EPN2: variants seen among roughly 807,000 people sequenced by gnomAD.
EPN2 encodes epsin 2.
Under a neutral mutation model 61.7 loss-of-function variants are expected in EPN2, and 34 were observed. The ratio of observed to expected loss-of-function variants is 0.55; its 90% CI spans 0.42 to 0.73. The LOEUF is 0.73. Ranked by LOEUF, EPN2 falls within the 30% of genes least tolerant of loss-of-function variation. The pLI is 0.00. For synonymous variants in EPN2, 349 were observed against 353.6 expected (o/e 0.99, Z 0.15); for missense variants, 714 against 839.2 (o/e 0.85, Z 1.84).
In EPN2 at chr17:19,328,790, C is replaced by A; in HGVS notation, c.1227C>A (p.Asp409Glu). The change falls in exon 8 of 11, where the codon GAC becomes GAA. Residue 409 changes from aspartate to glutamate, a missense_variant. By Grantham distance (45) the Asp-to-Glu change is conservative. Transcript: ENST00000314728. ...ATVQSVPKNS[D>E]PWAASQQPAS... Reference sequence around the variant, plus strand: ...TACAATCTGTCCCCAAGAACTCGGACCCCTGGGCAGCTTCACAGCAGCCTG... The same window carrying A: ...TACAATCTGTCCCCAAGAACTCGGAACCCTGGGCAGCTTCACAGCAGCCTG... The A allele has an allele frequency of 6.2e-7, 1 of 1,613,666 alleles. No individual in the cohort carries two copies. Among genetic ancestry groups the A allele is most frequent in the Non-Finnish European group, 8.5e-7 (1 of 1,179,662 alleles).
rs2045372912 is a variant in EPN2 at position 19,283,055 on chromosome 17, A to G, written c.-65A>G. Reference sequence around the variant, plus strand: ...GAGACTGAACCTTCATAGGGTGCGCACTTACCAAGGACAGGAAGGTTTCTC... The same window carrying G: ...GAGACTGAACCTTCATAGGGTGCGCGCTTACCAAGGACAGGAAGGTTTCTC... On this transcript the variant is annotated 5_prime_UTR_variant, in exon 3 of 11. Coordinates refer to ENST00000314728, the MANE Select transcript of EPN2 (RefSeq NM_014964.5). This position sits in a 1 kb window ranked among gnomAD's most constrained non-coding sequence, Gnocchi z 7.0. The G allele has an allele frequency of 8.1e-7, 1 of 1,241,702 alleles. No homozygotes were observed. The highest frequency in any genetic ancestry group is 1.1e-6 in the Non-Finnish European group (1 of 879,964). The allele number at this position is 1,241,702 out of a possible 1,614,324, so 76.9% of individuals were successfully genotyped here.
intron 4 of EPN2, among the ~76,000 whole-genome samples, chr17:19,309,376 G>A (rs897057993): frequency 9.9e-5 from 15 of 152,144 alleles, no homozygotes; most frequent in East Asian, 9.6e-4. Context: ...TGATCCGCCC[G>A]CCTCGGCCTC....
chr17:19,282,365 AAC>A (rs2045366683), intron 2 of EPN2: 1 of 152,250 alleles, frequency 6.6e-6, no homozygotes, highest in Non-Finnish European at 1.5e-5. Flanking sequence ...GACATTCGGA[AAC>A]ACAGTGGACC....
chr17:19,285,852 T>C lies in EPN2; in HGVS notation c.766+62T>C. The C allele has an allele frequency of 6.8e-7, 1 of 1,468,532 alleles. No homozygotes were observed. Among genetic ancestry groups the C allele is most frequent in the Non-Finnish European group, 9.1e-7 (1 of 1,100,376 alleles). The allele number at this position is 1,468,532 out of a possible 1,614,324, so 91.0% of individuals were successfully genotyped here. On this transcript the variant is annotated intron_variant, in intron 4 of 10. Transcript: ENST00000314728. The surrounding 1 kb of genome is among the most constrained non-coding windows in gnomAD (Gnocchi z 4.5). The stretch of plus-strand genomic sequence containing the variant: ...GCTGGGCAGCTTGCTGGGGGTGTGC[T>C]TGCCATGCCAGTACAGCCAACTCTC...
chr17:19,335,501 C>G lies in EPN2; in HGVS notation c.*1247C>G, dbSNP rs1907369401. On this transcript the variant is annotated 3_prime_UTR_variant, in exon 11 of 11. Transcript: ENST00000314728. ...TGTCTGTGATCTCCTCTGTCTTAAT[C>G]CACGCTCAGGCTAAAGATGGGGATA... 1.3e-6 allele frequency: 2 copies of G among 1,542,156 alleles called. No individual in the cohort carries two copies. The highest frequency in any genetic ancestry group is 2.4e-5 in the South Asian group (2 of 83,106).
At chr17:19,314,213 G>C (rs1906279641) in intron 7 of EPN2, among the ~76,000 whole-genome samples, 1 of 152,188 alleles carries the variant, frequency 6.6e-6, no homozygotes, top group Non-Finnish European at 1.5e-5. Context: ...CTCAGGAGCG[G>C]GCAGGGCAGG....
At chr17:19,284,988 C>G (rs975983302) in intron 3 of EPN2, among the ~76,000 whole-genome samples, 1 of 152,330 alleles carries the variant, frequency 6.6e-6, no homozygotes, top group Non-Finnish European at 1.5e-5. Flanking sequence ...TCTCCAGAAG[C>G]CTCAATGCAG....
chr17:19,256,014 T>G (rs1256051319), intron 1 of EPN2, among the ~76,000 whole-genome samples: 1 of 152,072 alleles, frequency 6.6e-6, no homozygotes, highest in Non-Finnish European at 1.5e-5. Context: ...CTCAGCTCAC[T>G]GCAAGCTCTG....
intron 4 of EPN2, among the ~76,000 whole-genome samples, chr17:19,300,763 A>AT (rs1905459886): frequency 6.6e-6 from 1 of 152,156 alleles, no homozygotes; most frequent in Non-Finnish European, 1.5e-5. Flanking sequence ...TGGAACTGGG[A>AT]TTAATCAGAA....
chr17:19,261,547 C>A (rs1217089629), intron 1 of EPN2, among the ~76,000 whole-genome samples: 1 of 152,152 alleles, frequency 6.6e-6, no homozygotes, highest in Admixed American at 6.5e-5. Flanking sequence ...TTAAATAATT[C>A]TATTCCTCCC....
In EPN2 at chr17:19,320,881, T is replaced by A. The variant is rs143286065; in HGVS notation, c.1147+7602T>A. 1.3e-3 allele frequency among the ~76,000 whole-genome samples: 203 copies of A among 152,258 alleles called. 4 individuals are homozygous for A. The South Asian group carries it at 0.019, about 15-fold the overall frequency. On this transcript the variant is annotated intron_variant, in intron 7 of 10. Coordinates refer to ENST00000314728, the MANE Select transcript of EPN2 (RefSeq NM_014964.5). Reference sequence around the variant, plus strand: ...CTGCAAAGTCCCTGCCAGCCTGAGGTCCTGTGGGTCCCTTGATCCTTGTGA... The same window carrying A: ...CTGCAAAGTCCCTGCCAGCCTGAGGACCTGTGGGTCCCTTGATCCTTGTGA...
intron 4 of EPN2, chr17:19,297,058 T>C (rs2045527121): frequency 6.6e-6 from 1 of 152,250 alleles, no homozygotes; most frequent in Non-Finnish European, 1.5e-5. Context: ...ATTTTAACAG[T>C]TGTACATAGT....
intron 4 of EPN2, among the ~76,000 whole-genome samples, chr17:19,301,549 C>T (rs1403216367): frequency 3.9e-5 from 6 of 152,184 alleles, no homozygotes; most frequent in Non-Finnish European, 8.8e-5. Context: ...CCCAAGTTCC[C>T]TAGACCAGTC....
chr17:19,318,549 C>A (rs1172789862), intron 7 of EPN2, among the ~76,000 whole-genome samples: 66 of 24,768 alleles, frequency 2.7e-3, no homozygotes, highest in Admixed American at 6.1e-3. Context: ...GACTCCATCT[C>A]AAAAAAAAAA....
At chr17:19,327,452 G>A (rs1470966104) in intron 7 of EPN2, among the ~76,000 whole-genome samples, 1 of 152,090 alleles carries the variant, frequency 6.6e-6, no homozygotes, top group Non-Finnish European at 1.5e-5. Flanking sequence ...CAGGAGGATT[G>A]CTTGAGCCCA....
At chr17:19,255,902 C>T (rs2045071981) in intron 1 of EPN2, among the ~76,000 whole-genome samples, 1 of 151,980 alleles carries the variant, frequency 6.6e-6, no homozygotes, top group African/African-American at 2.4e-5. Context: ...GTATTACAGA[C>T]ATGAGTCACC....
intron 1 of EPN2, among the ~76,000 whole-genome samples, chr17:19,260,479 G>T (rs1366760970): frequency 3.9e-5 from 6 of 152,160 alleles, no homozygotes; most frequent in African/African-American, 1.4e-4. Context: ...TTGGTAATGG[G>T]CTCTTACACG....
At chr17:19,271,057 T>C (rs1034779822) in intron 1 of EPN2, among the ~76,000 whole-genome samples, 1 of 152,184 alleles carries the variant, frequency 6.6e-6, no homozygotes, top group African/African-American at 2.4e-5. Context: ...AACAGTGTTC[T>C]TATTTTTTGC....
chr17:19,329,644 A>AG lies in EPN2; in HGVS notation c.1408_1409insG (p.Thr470SerfsTer19). The AG allele has an allele frequency of 6.4e-7, 1 of 1,562,730 alleles. No individual in the cohort carries two copies. The highest frequency in any genetic ancestry group is 8.8e-7 in the Non-Finnish European group (1 of 1,133,600). On this transcript the variant is annotated frameshift_variant, in exon 9 of 11. Coordinates refer to ENST00000314728, the MANE Select transcript of EPN2 (RefSeq NM_014964.5). LOFTEE classifies it high-confidence loss of function. ...TGACAACCTTCGGACTTCAAAAAAA[A>AG]CAGGTATGTACAGGTGATGATGGTT...
Sources: gnomAD v4.1 joint callset for allele counts (sites outside exome capture counted in the v4.1 genomes callset) on GRCh38, gnomAD v4.1.1 for gene constraint, Gnocchi (gnomAD v3.1) non-coding constraint, MANE v1.5 for transcripts, NCBI Gene and HGNC (gene_info 2026-07-23, HGNC 2026-07-21) for gene names.